DLC1: variants seen among roughly 807,000 people sequenced by gnomAD.
DLC1 encodes rho GTPase-activating protein 7.
Under a neutral mutation model 140.3 loss-of-function variants are expected in DLC1, and 54 were observed. The observed-to-expected ratio is 0.38, with a 90% CI of 0.31 to 0.48. DLC1 has a LOEUF of 0.48. Among genes scored for constraint, DLC1 ranks in the 20% least tolerant of loss-of-function variants. The probability of loss-of-function intolerance (pLI) is 0.96; values close to 1 mark genes in which losing one functional copy is unlikely to be tolerated. For synonymous variants in DLC1, 986 were observed against 728.1 expected (o/e 1.35, Z -5.70); for missense variants, 2,536 against 1,907.0 (o/e 1.33, Z -6.14).
intron 5 of DLC1, among the ~76,000 whole-genome samples, chr8:13,122,812 A>AAC (rs1173716445): frequency 6.6e-6 from 1 of 152,000 alleles, no homozygotes; most frequent in African/African-American, 2.4e-5. Flanking sequence ...GAAAAAAAAA[A>AAC]AAAAAACAAG....
At chr8:13,552,697 C>A (rs921379028) in intron 1 of DLC1, among the ~76,000 whole-genome samples, 1 of 151,690 alleles carries the variant, frequency 6.6e-6, no homozygotes, top group East Asian at 1.9e-4. Context: ...AAAATTACTA[C>A]AGGAAAATGT....
At chr8:13,161,061 A>G (rs1211698619) in intron 5 of DLC1, among the ~76,000 whole-genome samples, 1 of 152,224 alleles carries the variant, frequency 6.6e-6, no homozygotes, top group Admixed American at 6.5e-5. Flanking sequence ...AGCCTGGGCG[A>G]CAGAGCGAGA....
chr8:13,369,111 G>A lies in DLC1; in HGVS notation c.1314+24442C>T, dbSNP rs146765353. 4.3e-4 allele frequency among the ~76,000 whole-genome samples: 65 copies of A among 152,196 alleles called. No homozygotes were observed. In the East Asian group the frequency reaches 9.7e-3, roughly 23 times the overall value. On this transcript the variant is annotated intron_variant, in intron 4 of 17. Coordinates refer to ENST00000276297, the MANE Select transcript of DLC1 (RefSeq NM_182643.3). The stretch of plus-strand genomic sequence containing the variant: ...TGTTTAGAGAATAAGAACATTCAGG[G>A]CAGTGCTATGATTACACGGTTCACC...
chr8:13,196,464 G>A (rs762410566), intron 5 of DLC1, among the ~76,000 whole-genome samples: 1 of 152,072 alleles, frequency 6.6e-6, no homozygotes, highest in Non-Finnish European at 1.5e-5. Flanking sequence ...CTGCACATAG[G>A]CCATTATTTG....
chr8:13,099,431 T>C lies in DLC1; in HGVS notation c.2906A>G (p.Asn969Ser), dbSNP rs1346126746. The C allele has an allele frequency of 6.2e-7, 1 of 1,613,914 alleles. No individual in the cohort carries two copies. The highest frequency in any genetic ancestry group is 8.5e-7 in the Non-Finnish European group (1 of 1,179,972). Residue 969 changes from asparagine to serine, a missense_variant, in exon 9 of 18, where the codon AAC becomes AGC. Asn to Ser is a conservative substitution (Grantham distance 46). Transcript: ENST00000276297. Reference protein sequence around the residue: ...TTPSDLDSTGNSLNEPEEPSE... With the variant: ...TTPSDLDSTGSSLNEPEEPSE... ...GGGCTCTTCCGGTTCATTCAGGGAG[T>C]TGCCTGTGCTGTCCAGGTCGCTGGG... is the stretch of plus-strand genomic sequence containing the variant.
At chr8:13,412,931 C>CAA (rs771025112) in intron 2 of DLC1, among the ~76,000 whole-genome samples, 2,404 of 93,030 alleles carry the variant, frequency 0.026, 62 homozygotes, top group East Asian at 0.054. Flanking sequence ...GACTCCATCT[C>CAA]AAAAAAAAAA....
At chr8:13,180,664 C>T (rs1403979414) in intron 5 of DLC1, among the ~76,000 whole-genome samples, 1 of 151,602 alleles carries the variant, frequency 6.6e-6, no homozygotes, top group African/African-American at 2.4e-5. Context: ...ATATGAACAC[C>T]CACTTCAACT....
At chr8:13,559,404 A>T (rs1455625751) in intron 1 of DLC1, 1 of 152,236 alleles carries the variant, frequency 6.6e-6, no homozygotes, top group Non-Finnish European at 1.5e-5. Flanking sequence ...ATAAGGAGAT[A>T]AAATGAGTTT....
intron 5 of DLC1, among the ~76,000 whole-genome samples, chr8:13,142,630 A>T (rs1421330105): frequency 1.3e-5 from 2 of 152,254 alleles, no homozygotes; most frequent in Non-Finnish European, 1.5e-5. Context: ...AAAGTTTTTA[A>T]TTCAAAAAAG....
chr8:13,086,472 A>G lies in DLC1; in HGVS notation c.4293-9T>C, dbSNP rs1031087688. 1 of 1,605,262 alleles carries G rather than the reference A, an allele frequency of 6.2e-7. No homozygotes were observed. The highest frequency in any genetic ancestry group is 8.5e-7 in the Non-Finnish European group (1 of 1,176,658). On this transcript the variant is annotated splice_polypyrimidine_tract_variant and intron_variant, in intron 16 of 17. Coordinates refer to ENST00000276297, the MANE Select transcript of DLC1 (RefSeq NM_182643.3). ...AATTAGTCCTCCAGGTTCTGTAGAG[A>G]CAAAACCAGAGGCAGAAATGATGGA...
intron 2 of DLC1, among the ~76,000 whole-genome samples, chr8:13,429,511 T>C (rs1838763130): frequency 6.6e-6 from 1 of 151,956 alleles, no homozygotes; most frequent in African/African-American, 2.4e-5. Context: ...TAGGGAGAAG[T>C]AAAATACAAA....
At chr8:13,491,436 C>A (rs1419804102) in intron 2 of DLC1, among the ~76,000 whole-genome samples, 2 of 152,174 alleles carry the variant, frequency 1.3e-5, no homozygotes, top group Admixed American at 6.5e-5. Context: ...TACTTATAAA[C>A]AATAACACAT....
intron 1 of DLC1, among the ~76,000 whole-genome samples, chr8:13,580,771 G>A (rs1805066182): frequency 6.6e-6 from 1 of 152,160 alleles, no homozygotes; most frequent in African/African-American, 2.4e-5. Context: ...GGAGAGTAGA[G>A]GTGAAAGCCC....
At chr8:13,359,870 C>G (rs57906388) in intron 4 of DLC1, among the ~76,000 whole-genome samples, 9,452 of 152,182 alleles carry the variant, frequency 0.062, 371 homozygotes, top group Non-Finnish European at 0.086. Flanking sequence ...TCATGCTATT[C>G]AGGCCATTAT....
At chr8:13,451,978 T>C (rs529888024) in intron 2 of DLC1, among the ~76,000 whole-genome samples, 2 of 152,310 alleles carry the variant, frequency 1.3e-5, no homozygotes, top group East Asian at 1.9e-4. Context: ...CTAATTTCCA[T>C]GAACACCAAC....
chr8:13,201,516 A>T (rs1827378391), intron 5 of DLC1, among the ~76,000 whole-genome samples: 1 of 152,194 alleles, frequency 6.6e-6, no homozygotes, highest in African/African-American at 2.4e-5. Context: ...TATAAAATAT[A>T]GCTGAGAATT....
intron 4 of DLC1, among the ~76,000 whole-genome samples, chr8:13,359,103 T>C (rs1835091282): frequency 6.6e-6 from 1 of 152,144 alleles, no homozygotes. Flanking sequence ...CACGCCCGGC[T>C]AATTTTTTCG....
intron 2 of DLC1, among the ~76,000 whole-genome samples, chr8:13,441,099 C>T (rs1200428677): frequency 6.6e-6 from 1 of 152,170 alleles, no homozygotes; most frequent in Non-Finnish European, 1.5e-5. Flanking sequence ...GAATTTCATT[C>T]ATCATCAATA....
At chr8:13,205,411 T>C (rs575252935) in intron 5 of DLC1, among the ~76,000 whole-genome samples, 1 of 152,230 alleles carries the variant, frequency 6.6e-6, no homozygotes, top group Non-Finnish European at 1.5e-5. Flanking sequence ...GTGTCACTTA[T>C]ACTCAAAGTC....
Sources: gnomAD v4.1 joint callset for allele counts (sites outside exome capture counted in the v4.1 genomes callset) on GRCh38, gnomAD v4.1.1 for gene constraint, MANE v1.5 for transcripts, NCBI Gene and HGNC (gene_info 2026-07-23, HGNC 2026-07-21) for gene names.